GADL1: variants seen among roughly 807,000 people sequenced by gnomAD.
GADL1 encodes the protein acidic amino acid decarboxylase GADL1.
GADL1 carries 71 observed loss-of-function variants against 69.5 expected under a neutral mutation model. The observed-to-expected ratio is 1.02, with a 90% CI of 0.84 to 1.25. The LOEUF (loss-of-function observed/expected upper bound fraction) is 1.25. GADL1 is among the 50% of genes most tolerant of loss of function. The pLI is 0.00. For synonymous variants in GADL1, 254 were observed against 214.4 expected (o/e 1.18, Z -1.62); for missense variants, 737 against 631.8 (o/e 1.17, Z -1.79).
Position 30,854,788 on chromosome 3 carries a change from G to T in GADL1, c.339C>A (p.Asn113Lys). The T allele has an allele frequency of 2.0e-6, 3 of 1,531,638 alleles. No individual in the cohort carries two copies. Among genetic ancestry groups the T allele is most frequent in the Non-Finnish European group, 2.7e-6 (3 of 1,130,406 alleles). 94.9% of individuals were successfully genotyped at this position (1,531,638 alleles called of 1,614,324 possible). The stretch of plus-strand genomic sequence containing the variant: ...ACAATTGGTTGAAAAATCTTGGGTG[G>T]TCTGTAAATTTAAAATGGAGTATTC... ...RDVIHYSVKTNHPRFFNQLYA... is the reference protein window; with the variant it reads ...RDVIHYSVKTKHPRFFNQLYA... The change falls in exon 4 of 15, where the codon AAC becomes AAA. Residue 113 changes from asparagine (N) to lysine (K), a missense_variant and splice_region_variant. Transcript: ENST00000282538.
At chr3:30,771,385 G>A (rs527670220) in intron 14 of GADL1, among the ~76,000 whole-genome samples, 11 of 152,212 alleles carry the variant, frequency 7.2e-5, no homozygotes, top group Admixed American at 3.9e-4. Flanking sequence ...TTTTATCTTA[G>A]GTTTTAATGG....
intron 13 of GADL1, among the ~76,000 whole-genome samples, chr3:30,782,799 A>G (rs946289187): frequency 1.3e-5 from 2 of 152,234 alleles, no homozygotes; most frequent in Non-Finnish European, 2.9e-5. Flanking sequence ...AGGAAATCAA[A>G]GAAACTAAGA....
intron 14 of GADL1, among the ~76,000 whole-genome samples, chr3:30,729,895 T>C (rs989872064): frequency 6.6e-6 from 1 of 152,174 alleles, no homozygotes; most frequent in Non-Finnish European, 1.5e-5. Flanking sequence ...CACATTGCCA[T>C]TCTAGCAAAA....
At chr3:30,742,589 T>G (rs938819125) in intron 14 of GADL1, among the ~76,000 whole-genome samples, 4 of 152,130 alleles carry the variant, frequency 2.6e-5, no homozygotes, top group Admixed American at 6.5e-5. Context: ...CATTTAAATA[T>G]TATAAAATTC....
chr3:30,729,267 A>G (rs1695418575), intron 14 of GADL1, among the ~76,000 whole-genome samples: 1 of 152,346 alleles, frequency 6.6e-6, no homozygotes, highest in African/African-American at 2.4e-5. Context: ...TAGGTTGTAA[A>G]CTTTTAAAAT....
At chr3:30,777,477 A>T (rs1020162078) in intron 14 of GADL1, among the ~76,000 whole-genome samples, 10 of 152,192 alleles carry the variant, frequency 6.6e-5, no homozygotes, top group African/African-American at 2.4e-4. Context: ...CATTATGTTC[A>T]TGCATCCAGA....
At chr3:30,805,214 A>G (rs1041508337) in intron 11 of GADL1, among the ~76,000 whole-genome samples, 2 of 152,210 alleles carry the variant, frequency 1.3e-5, no homozygotes, top group Admixed American at 6.5e-5. Flanking sequence ...ACATTTTGCA[A>G]CACAGCAAGT....
At chr3:30,894,168 G>T (rs1303243800) in intron 1 of GADL1, among the ~76,000 whole-genome samples, 3 of 152,158 alleles carry the variant, frequency 2.0e-5, no homozygotes, top group African/African-American at 4.8e-5. Context: ...TTTAACCCCT[G>T]TTTATAGAAT....
At chr3:30,740,960 T>TTATATATTATATATTAATATATAG in intron 14 of GADL1, among the ~76,000 whole-genome samples, 1 of 134,864 alleles carries the variant, frequency 7.4e-6, no homozygotes, top group East Asian at 2.1e-4. Context: ...AATATATTTA[T>TTATATATTATATATTAATATATAG]TATATATTAT....
At chr3:30,736,934 T>C (rs1405893584) in intron 14 of GADL1, among the ~76,000 whole-genome samples, 2 of 152,176 alleles carry the variant, frequency 1.3e-5, no homozygotes, top group African/African-American at 4.8e-5. Flanking sequence ...TAAAAAAAGT[T>C]ACTTTTTCTT....
chr3:30,870,388 C>A (rs774236812), intron 1 of GADL1, among the ~76,000 whole-genome samples: 2 of 151,686 alleles, frequency 1.3e-5, no homozygotes, highest in Non-Finnish European at 2.9e-5. Context: ...AATCAATAAG[C>A]TGGCTTCTTT....
chr3:30,885,587 C>A (rs1280237469), intron 1 of GADL1, among the ~76,000 whole-genome samples: 2 of 151,932 alleles, frequency 1.3e-5, no homozygotes, highest in African/African-American at 4.8e-5. Context: ...AACCCAATCA[C>A]CCACAACTAC....
At chr3:30,820,588 TATAA>T (rs1398681435) in intron 11 of GADL1, among the ~76,000 whole-genome samples, 1 of 152,166 alleles carries the variant, frequency 6.6e-6, no homozygotes, top group Non-Finnish European at 1.5e-5. Context: ...ATATAAAATG[TATAA>T]ATAACCCTAG....
chr3:30,866,473 T>C (rs1698404532), intron 1 of GADL1, among the ~76,000 whole-genome samples: 1 of 151,838 alleles, frequency 6.6e-6, no homozygotes, highest in African/African-American at 2.4e-5. Flanking sequence ...ATAATAGTAA[T>C]AATAGTACAT....
chr3:30,831,759 T>C (rs373670620), intron 11 of GADL1, among the ~76,000 whole-genome samples: 4 of 152,082 alleles, frequency 2.6e-5, no homozygotes, highest in African/African-American at 9.6e-5. Context: ...ACATTAGACA[T>C]AACTATGTCA....
intron 13 of GADL1, among the ~76,000 whole-genome samples, chr3:30,781,596 G>A (rs1696666505): frequency 6.6e-6 from 1 of 152,136 alleles, no homozygotes; most frequent in Non-Finnish European, 1.5e-5. Context: ...AATTTCAAAG[G>A]CAGCACTGGA....
At chr3:30,880,060 G>C (rs1356689000) in intron 1 of GADL1, among the ~76,000 whole-genome samples, 1 of 151,792 alleles carries the variant, frequency 6.6e-6, no homozygotes, top group Non-Finnish European at 1.5e-5. Flanking sequence ...CAGAAGAAAA[G>C]CACAGTAATT....
intron 12 of GADL1, chr3:30,798,077 G>A (rs996953348): frequency 1.3e-5 from 2 of 152,110 alleles, no homozygotes; most frequent in African/African-American, 4.8e-5. Context: ...AGTAAACATG[G>A]TGCTTCCACA....
intron 1 of GADL1, among the ~76,000 whole-genome samples, chr3:30,891,550 T>TG (rs1698786925): frequency 6.6e-6 from 1 of 151,994 alleles, no homozygotes. Flanking sequence ...GGCCAGGGAT[T>TG]AGGTGTTAGG....
Sources: gnomAD v4.1 joint callset for allele counts (sites outside exome capture counted in the v4.1 genomes callset) on GRCh38, gnomAD v4.1.1 for gene constraint, MANE v1.5 for transcripts, NCBI Gene and HGNC (gene_info 2026-07-23, HGNC 2026-07-21) for gene names.